The following GPR158 variants were observed in gnomAD, a reference collection of about 807,000 sequenced individuals.
GPR158 encodes the protein G protein-coupled receptor 158, also known as metabotropic glycine receptor.
A neutral mutation model predicts 78.2 loss-of-function variants in GPR158; 30 were observed. The ratio of observed to expected loss-of-function variants is 0.38; its 90% confidence interval spans 0.29 to 0.52. The LOEUF (loss-of-function observed/expected upper bound fraction) is 0.52. Among genes scored for constraint, GPR158 ranks in the 20% least tolerant of loss-of-function variants. The pLI is 0.83. For missense variants in GPR158, 1,463 were observed against 1,523.5 expected, an observed-to-expected ratio of 0.96 and a Z score of 0.66; for synonymous variants, 581 against 591.1, an observed-to-expected ratio of 0.98 and a Z score of 0.25.
intron 4 of GPR158, among the ~76,000 whole-genome samples, chr10:25,414,520 T>C (rs1185345958): frequency 6.6e-6 from 1 of 152,160 alleles, no homozygotes; most frequent in Non-Finnish European, 1.5e-5. Context: ...TGAATGAACA[T>C]AGACCTTGTA....
intron 2 of GPR158, among the ~76,000 whole-genome samples, chr10:25,249,862 G>C (rs1327126655): frequency 2.8e-5 from 4 of 145,214 alleles, no homozygotes; most frequent in South Asian, 2.3e-4. Context: ...TTTTTCTATT[G>C]ATTGGAATAG....
chr10:25,337,127 G>T (rs1855220147), intron 2 of GPR158, among the ~76,000 whole-genome samples: 1 of 152,130 alleles, frequency 6.6e-6, no homozygotes, highest in South Asian at 2.1e-4. Flanking sequence ...ACTTCATACA[G>T]TGTTAGCAAT....
chr10:25,393,717 G>C (rs1311137234), intron 2 of GPR158: 1 of 152,170 alleles, frequency 6.6e-6, no homozygotes, highest in East Asian at 1.9e-4. Context: ...CTAGCAAGTA[G>C]CTTCAGGAAG....
intron 5 of GPR158, among the ~76,000 whole-genome samples, chr10:25,474,653 T>A (rs893876875): frequency 2.0e-5 from 3 of 152,198 alleles, no homozygotes; most frequent in Non-Finnish European, 4.4e-5. Flanking sequence ...TATTAAATTC[T>A]GTGAGAGTAG....
At chr10:25,314,640 G>T (rs1165227652) in intron 2 of GPR158, among the ~76,000 whole-genome samples, 1 of 149,720 alleles carries the variant, frequency 6.7e-6, no homozygotes, top group Admixed American at 6.7e-5. Flanking sequence ...TCTTGTGACT[G>T]ACTGTTGTTT....
chr10:25,320,424 T>C (rs112131377), intron 2 of GPR158, among the ~76,000 whole-genome samples: 2,317 of 152,310 alleles, frequency 0.015, 68 homozygotes, highest in African/African-American at 0.053. Flanking sequence ...CATCTGTGGG[T>C]CTGCTCTTCA....
chr10:25,297,216 C>T (rs1054078576), intron 2 of GPR158, among the ~76,000 whole-genome samples: 3 of 152,180 alleles, frequency 2.0e-5, no homozygotes, highest in Non-Finnish European at 4.4e-5. Flanking sequence ...ACATTGCTAT[C>T]TTTACAGACT....
intron 2 of GPR158, among the ~76,000 whole-genome samples, chr10:25,381,414 G>C (rs1472170997): frequency 6.6e-6 from 1 of 152,138 alleles, no homozygotes; most frequent in African/African-American, 2.4e-5. Flanking sequence ...ATTTAGGGTT[G>C]AGAGACAGTT....
chr10:25,435,841 G>T (rs1834990887), intron 4 of GPR158, among the ~76,000 whole-genome samples: 1 of 152,206 alleles, frequency 6.6e-6, no homozygotes, highest in Admixed American at 6.5e-5. Context: ...GTCTGGGTAA[G>T]AGATAGTCGT....
chr10:25,288,675 T>A (rs1238128709), intron 2 of GPR158, among the ~76,000 whole-genome samples: 1 of 152,210 alleles, frequency 6.6e-6, no homozygotes, highest in Non-Finnish European at 1.5e-5. Flanking sequence ...AGTTAAAATA[T>A]CCATCTTCAT....
chr10:25,332,794 C>T (rs541484004), intron 2 of GPR158, among the ~76,000 whole-genome samples: 3 of 151,968 alleles, frequency 2.0e-5, no homozygotes, highest in Non-Finnish European at 2.9e-5. Context: ...TAAAAAAATT[C>T]GACACTAATC....
At chr10:25,503,092 G>A (rs1835962967) in intron 5 of GPR158, among the ~76,000 whole-genome samples, 1 of 151,940 alleles carries the variant, frequency 6.6e-6, no homozygotes, top group Admixed American at 6.6e-5. Flanking sequence ...AAATTTAATT[G>A]AGGTCCACGT....
intron 2 of GPR158, among the ~76,000 whole-genome samples, chr10:25,290,333 C>T (rs888921886): frequency 3.9e-5 from 6 of 152,044 alleles, no homozygotes; most frequent in Admixed American, 6.5e-5. Context: ...ATAAACTAAG[C>T]AAAATTTGCT....
intron 3 of GPR158, among the ~76,000 whole-genome samples, chr10:25,408,542 A>T (rs750332196): frequency 2.0e-5 from 3 of 152,168 alleles, no homozygotes; most frequent in Non-Finnish European, 4.4e-5. Context: ...TTGACACTGT[A>T]GTCACCATCC....
rs1216807287 is a variant in GPR158, at chr10:25,469,163, CT to C, written c.1404+2448del. 3.3e-5 allele frequency among the ~76,000 whole-genome samples: 5 copies of C among 152,278 alleles called. No individual in the cohort carries two copies. In the East Asian group the frequency reaches 9.7e-4, roughly 29 times the overall value. ...ATGCCTCAGGACTGAGTTCTTGTAG[CT>C]TTTCTTAATGTACACTCTCTCTTGG... is the stretch of plus-strand genomic sequence containing the variant. On this transcript the variant is annotated intron_variant, in intron 5 of 10. Coordinates refer to ENST00000376351, the MANE Select transcript of GPR158 (RefSeq NM_020752.3).
chr10:25,537,932 A>G (rs1370840580), intron 5 of GPR158, among the ~76,000 whole-genome samples: 1 of 152,160 alleles, frequency 6.6e-6, no homozygotes, highest in Non-Finnish European at 1.5e-5. Flanking sequence ...GAGCCTGCGG[A>G]ACTGTGAGCC....
At chr10:25,214,967 T>C (rs987510144) in intron 1 of GPR158, among the ~76,000 whole-genome samples, 1 of 152,238 alleles carries the variant, frequency 6.6e-6, no homozygotes, top group African/African-American at 2.4e-5. Context: ...TAATACACCA[T>C]ATTTTATTTG....
intron 5 of GPR158, among the ~76,000 whole-genome samples, chr10:25,500,349 G>A (rs780145878): frequency 1.3e-5 from 2 of 152,212 alleles, no homozygotes; most frequent in Non-Finnish European, 2.9e-5. Flanking sequence ...AGGTGCCTGT[G>A]TGAGGCCTTC....
At chr10:25,203,826 C>T (rs1442003606) in intron 1 of GPR158, among the ~76,000 whole-genome samples, 1 of 144,186 alleles carries the variant, frequency 6.9e-6, no homozygotes, top group Non-Finnish European at 1.5e-5. Context: ...GGGGATGGCA[C>T]TGAATCTATA....
Sources: gnomAD v4.1 joint callset for allele counts (sites outside exome capture counted in the v4.1 genomes callset) on GRCh38, gnomAD v4.1.1 for gene constraint, MANE v1.5 for transcripts, NCBI Gene and HGNC (gene_info 2026-07-23, HGNC 2026-07-21) for gene names.